The following IGF2 variants were observed in gnomAD, a reference collection of about 807,000 sequenced individuals.
IGF2 encodes the protein insulin-like growth factor 2.
In IGF2, 2 loss-of-function variants were observed where a neutral mutation model predicts 12.0. The observed-to-expected ratio is 0.17, with a 90% CI of 0.07 to 0.52. The LOEUF is 0.52. Among genes scored for constraint, IGF2 ranks in the 20% least tolerant of loss-of-function variants. The pLI is 0.95. For synonymous variants in IGF2, 105 were observed against 110.1 expected (o/e 0.95, Z 0.29); for missense variants, 211 against 268.0 (o/e 0.79, Z 1.48).
In IGF2 at chr11:2,138,793, AC is replaced by A; in HGVS notation, c.-572del. On this transcript the variant is annotated 5_prime_UTR_variant, in exon 1 of 4. Coordinates refer to ENST00000416167, the MANE Select transcript of IGF2 (RefSeq NM_000612.6). Reference sequence around the variant, plus strand: ...GAGAAAGAGCGGGGGCCGGGGCCAGACGCCAAGAGGGGCGCGGGGAGCACAG... The same window carrying A: ...GAGAAAGAGCGGGGGCCGGGGCCAGAGCCAAGAGGGGCGCGGGGAGCACAG... The A allele has an allele frequency of 1.1e-6, 1 of 939,464 alleles. No individual in the cohort carries two copies. The highest frequency in any genetic ancestry group is 1.3e-6 in the Non-Finnish European group (1 of 795,854). The allele number at this position is 939,464 out of a possible 1,614,324, so 58.2% of individuals were successfully genotyped here. A position where few individuals can be genotyped will look rare whatever the true frequency, so the allele number is the denominator to read the frequency against.
chr11:2,146,531 CG>C, the IGF2 span: 1 of 406,912 alleles, frequency 2.5e-6, no homozygotes, highest in Admixed American at 2.8e-5. Context: ...GCCAAAAGTA[CG>C]TGGGGGATAT....
At chr11:2,149,322 A>T in the IGF2 span, 1 of 1,612,504 alleles carries the variant, frequency 6.2e-7, no homozygotes, top group Non-Finnish European at 8.5e-7. Flanking sequence ...GTTGACGTGG[A>T]GGAGGAGAGG....
At chr11:2,140,421 G>T, upstream of IGF2, 2 of 891,448 alleles carry the variant, frequency 2.2e-6, no homozygotes, top group Admixed American at 2.7e-5. Flanking sequence ...AGGGGCCGCC[G>T]GCGGAATCTC....
Position 2,135,382 on chromosome 11 carries a change from G to A in IGF2, c.142C>T (p.Arg48Cys), listed in dbSNP as rs1018841144. 1 of 1,612,744 alleles carries A rather than the reference G, an allele frequency of 6.2e-7. No homozygotes were observed. Among genetic ancestry groups the A allele is most frequent in the East Asian group, 2.2e-5 (1 of 44,830 alleles). Residue 48 changes from arginine to cysteine, a missense_variant, in exon 2 of 4, where the codon CGC (arginine) becomes TGC (cysteine). By Grantham distance (180) the Arg-to-Cys change is radical. Around this residue, in one of 3 missense-constraint regions of IGF2, gnomAD observed 30 missense variants for 79.2 expected, o/e 0.38. Coordinates refer to ENST00000416167, the MANE Select transcript of IGF2 (RefSeq NM_000612.6). ...VDTLQFVCGD[R>C]GFYFSRPASR... ...AGCTACTTACTGAAGTAGAAGCCGC[G>A]GTCCCCACAGACGAACTGGAGGGTG...
Position 2,133,273 on chromosome 11 carries a change from C to T in IGF2, c.307-50G>A, listed in dbSNP as rs757911184. On this transcript the variant is annotated intron_variant, in intron 3 of 3. Transcript: ENST00000416167. The surrounding 1 kb of genome is among the most constrained non-coding windows in gnomAD (Gnocchi z 8.9). ...CAGGTGCCTGCTCTCCACGCTCTTC[C>T]GCCTGAGCCGCCCGCCTGACCTGAC... 21 of 1,298,048 alleles carry T rather than the reference C, an allele frequency of 1.6e-5. No homozygotes were observed. Among genetic ancestry groups the T allele is most frequent in the East Asian group, 7.2e-5 (3 of 41,418 alleles). 80.4% of individuals were successfully genotyped at this position (1,298,048 alleles called of 1,614,324 possible). A position where few individuals can be genotyped will look rare whatever the true frequency, so the allele number is the denominator to read the frequency against.
At chr11:2,142,798 AAAAGT>A (rs1469105115), upstream of IGF2, among the ~76,000 whole-genome samples, 1 of 152,234 alleles carries the variant, frequency 6.6e-6, no homozygotes, top group Non-Finnish European at 1.5e-5. This position sits in a 1 kb window ranked among gnomAD's most constrained non-coding sequence, Gnocchi z 5.7. Flanking sequence ...TAACAGAAAT[AAAAGT>A]AGGCTCTGCC....
the IGF2 span, chr11:2,147,706 G>A: frequency 8.8e-6 from 11 of 1,249,130 alleles, no homozygotes; most frequent in African/African-American, 1.5e-5. The surrounding 1 kb of genome is among the most constrained non-coding windows in gnomAD (Gnocchi z 7.2). Flanking sequence ...AGGCTGTGGG[G>A]CAGGCTGGGC....
intron 1 of IGF2, among the ~76,000 whole-genome samples, chr11:2,137,877 C>G (rs1317045830): frequency 6.6e-6 from 1 of 152,226 alleles, no homozygotes; most frequent in Non-Finnish European, 1.5e-5. Context: ...ACCCAGCACC[C>G]CGGAGGCCAG....
rs912955332 is a variant in IGF2, at chr11:2,138,393, G to C, written c.-171C>G. ...GCGGGGGGATGGCTTTTTTTTGGGG[G>C]GGGGGGGAGAATTCGTCTGATTGTC... On this transcript the variant is annotated 5_prime_UTR_variant, in exon 1 of 4. Coordinates refer to ENST00000416167, the MANE Select transcript of IGF2 (RefSeq NM_000612.6). 19 of 539,134 alleles carry C rather than the reference G, an allele frequency of 3.5e-5. No individual in the cohort carries two copies. Among genetic ancestry groups the C allele is most frequent in the East Asian group, 3.1e-4 (2 of 6,432 alleles). 33.4% of individuals were successfully genotyped at this position (539,134 alleles called of 1,614,324 possible).
chr11:2,145,602 G>A (rs1859872820), upstream of IGF2, among the ~76,000 whole-genome samples: 1 of 152,190 alleles, frequency 6.6e-6, no homozygotes. Flanking sequence ...GGGGGCCACC[G>A]CTCATGCTTG....
Position 2,135,480 on chromosome 11 carries a change from A to C in IGF2, c.44T>G (p.Phe15Cys). The C allele has an allele frequency of 3.7e-6, 6 of 1,613,758 alleles. No individual in the cohort carries two copies. Among genetic ancestry groups the C allele is most frequent in the Non-Finnish European group, 5.1e-6 (6 of 1,179,942 alleles). The change falls in exon 2 of 4, where the codon TTC (phenylalanine) becomes TGC (cysteine). Residue 15 changes from phenylalanine to cysteine, a missense_variant. This residue lies in a region of IGF2 where 40 missense variants were observed against 35.7 expected (regional missense o/e 1.12). Coordinates refer to ENST00000416167, the MANE Select transcript of IGF2 (RefSeq NM_000612.6). ...MGKSMLVLLTFLAFASCCIAA... is the reference protein window; with the variant it reads ...MGKSMLVLLTCLAFASCCIAA... ...AATGCAGCACGAGGCGAAGGCCAAG[A>C]AGGTGAGAAGCACCAGCATCGACTT...
At position 2,139,199 on chromosome 11, in the gene IGF2, C is replaced by G. The variant is rs1859350304; in HGVS notation, c.-977G>C. 6.6e-6 allele frequency: 1 copy of G among 151,294 alleles called. No individual in the cohort carries two copies. Among genetic ancestry groups the G allele is most frequent in the African/African-American group, 2.4e-5 (1 of 41,302 alleles). 9.4% of individuals were successfully genotyped at this position (151,294 alleles called of 1,614,324 possible). On this transcript the variant is annotated 5_prime_UTR_variant, in exon 1 of 4. Coordinates refer to ENST00000416167, the MANE Select transcript of IGF2 (RefSeq NM_000612.6). Reference sequence around the variant, plus strand: ...CGGGGAATCCGCAGGCCCGGCGGAGCGCGACCCCGCGGACGGCGCCCGGGA... The same window carrying G: ...CGGGGAATCCGCAGGCCCGGCGGAGGGCGACCCCGCGGACGGCGCCCGGGA...
upstream of IGF2, chr11:2,140,560 C>T (rs1343320874): frequency 2.0e-6 from 1 of 500,310 alleles, no homozygotes; most frequent in East Asian, 4.2e-5. Context: ...GGGAGCGCCT[C>T]TCCTCCGCGT....
rs1053787428 is a variant in IGF2 at position 2,130,491 on chromosome 11, C to T, written c.*2496G>A. 20 of 205,890 alleles carry T rather than the reference C, an allele frequency of 9.7e-5. No homozygotes were observed. Among genetic ancestry groups the T allele is most frequent in the South Asian group, 2.0e-4 (1 of 5,108 alleles). The allele number at this position is 205,890 out of a possible 1,614,324, so 12.8% of individuals were successfully genotyped here. A position where few individuals can be genotyped will look rare whatever the true frequency, so the allele number is the denominator to read the frequency against. Reference sequence around the variant, plus strand: ...GACGTGGTGGTCTCCAGGCTGGCTTCGTGCGTTCTTGCTTTTGTCACTGCC... The same window carrying T: ...GACGTGGTGGTCTCCAGGCTGGCTTTGTGCGTTCTTGCTTTTGTCACTGCC... On this transcript the variant is annotated 3_prime_UTR_variant, in exon 4 of 4. Transcript: ENST00000416167.
rs749637732 is a variant in IGF2, at chr11:2,133,480, G to T, written c.306+37C>A. 6.3e-7 allele frequency: 1 copy of T among 1,590,648 alleles called. No individual in the cohort carries two copies. The highest frequency in any genetic ancestry group is 8.6e-7 in the Non-Finnish European group (1 of 1,169,130). ...TGGGCGCCCGAAGCCCTATTTCTCT[G>T]TCTCTAGAGAGTGGGAAAGGGGCCC... On this transcript the variant is annotated intron_variant, in intron 3 of 3. Transcript: ENST00000416167. This position sits in a 1 kb window ranked among gnomAD's most constrained non-coding sequence, Gnocchi z 8.9.
In IGF2 at chr11:2,130,589, A is replaced by AC. The variant is rs1491122465; in HGVS notation, c.*2397_*2398insG. ...AGCTAAGGAGGGGTAAAAAAAAAAC[A>AC]AAAAAAAAAAAAAAAGGAAAAATGC... On this transcript the variant is annotated 3_prime_UTR_variant, in exon 4 of 4. Coordinates refer to ENST00000416167, the MANE Select transcript of IGF2 (RefSeq NM_000612.6). 5.4e-4 allele frequency: 61 copies of AC among 113,492 alleles called. No homozygotes were observed. The highest frequency in any genetic ancestry group is 3.9e-3 in the African/African-American group (55 of 14,026). The allele number at this position is 113,492 out of a possible 1,614,324, so 7.0% of individuals were successfully genotyped here.
Position 2,129,199 on chromosome 11 carries a change from T to G in IGF2, c.*3788A>C, listed in dbSNP as rs1858367661. 1 of 195,388 alleles carries G rather than the reference T, an allele frequency of 5.1e-6. No homozygotes were observed. The highest frequency in any genetic ancestry group is 1.9e-4 in the South Asian group (1 of 5,202). 12.1% of individuals were successfully genotyped at this position (195,388 alleles called of 1,614,324 possible). Reference sequence around the variant, plus strand: ...CAAGCATGGGATTTTGCCGGAAATATTAGCGTTAAAGGAGTTGAGTTGAGT... The same window carrying G: ...CAAGCATGGGATTTTGCCGGAAATAGTAGCGTTAAAGGAGTTGAGTTGAGT... On this transcript the variant is annotated 3_prime_UTR_variant, in exon 4 of 4. Transcript: ENST00000416167. The surrounding 1 kb of genome is among the most constrained non-coding windows in gnomAD (Gnocchi z 8.1).
rs375588366 is a variant in IGF2, at chr11:2,131,737, T to C, written c.*1250A>G. The C allele has an allele frequency of 6.2e-5, 13 of 209,522 alleles. No individual in the cohort carries two copies. The East Asian group carries it at 6.7e-4, about 11-fold the overall frequency. The allele number at this position is 209,522 out of a possible 1,614,324, so 13.0% of individuals were successfully genotyped here. A position where few individuals can be genotyped will look rare whatever the true frequency, so the allele number is the denominator to read the frequency against. On this transcript the variant is annotated 3_prime_UTR_variant, in exon 4 of 4. Transcript: ENST00000416167. Reference sequence around the variant, plus strand: ...TGTGTTCGTGTGTGCTGTGTTCGCGTGTGTGTGCTGTGTGTGCATGTGTGT... The same window carrying C: ...TGTGTTCGTGTGTGCTGTGTTCGCGCGTGTGTGCTGTGTGTGCATGTGTGT...
the IGF2 span, chr11:2,147,736 G>A: frequency 5.6e-6 from 7 of 1,249,210 alleles, no homozygotes; most frequent in African/African-American, 1.5e-5. The surrounding 1 kb of genome is among the most constrained non-coding windows in gnomAD (Gnocchi z 7.2). Context: ...AGCTGGCAGC[G>A]ATTCAGAGCC....
Sources: gnomAD v4.1 joint callset for allele counts (sites outside exome capture counted in the v4.1 genomes callset) on GRCh38, gnomAD v4.1.1 for gene constraint, gnomAD v4.1.1 regional missense constraint, Gnocchi (gnomAD v3.1) non-coding constraint, MANE v1.5 for transcripts, NCBI Gene and HGNC (gene_info 2026-07-23, HGNC 2026-07-21) for gene names.